Variants in SH3PXD2B observed in about 807,000 individuals in gnomAD.
SH3PXD2B encodes SH3 and PX domains 2B, also known as SH3 and PX domain-containing protein 2B.
In SH3PXD2B, 37 loss-of-function variants were observed where a neutral mutation model predicts 73.1. That is an observed-to-expected ratio of 0.51 (90% CI 0.39 to 0.67). The LOEUF is 0.67. Ranked by LOEUF, SH3PXD2B falls within the 30% of genes least tolerant of loss-of-function variation. SH3PXD2B has a pLI of 0.00. For synonymous variants in SH3PXD2B, 457 were observed against 480.5 expected (o/e 0.95, Z 0.64); for missense variants, 1,053 against 1,197.8 (o/e 0.88, Z 1.78).
At chr5:172,349,129 C>T (rs535893527) in intron 10 of SH3PXD2B, among the ~76,000 whole-genome samples, 2 of 152,224 alleles carry the variant, frequency 1.3e-5, no homozygotes, top group Non-Finnish European at 2.9e-5. Flanking sequence ...CACACAAACT[C>T]GGGGATGGCC....
rs1177483101 is a variant in SH3PXD2B at position 172,333,545 on chromosome 5, A to ATTTT, written c.*4823_*4824insAAAA. 1.5e-5 allele frequency: 18 copies of ATTTT among 1,170,034 alleles called. No homozygotes were observed. In the African/African-American group the frequency reaches 3.0e-4, roughly 19 times the overall value. 72.5% of individuals were successfully genotyped at this position (1,170,034 alleles called of 1,614,324 possible). ...AGTCAAGCACTTTTTTTATTTAAAAAAAAAAAAAGGAAAGAAGTCAAATGG... is the reference window on the plus strand; with the variant it reads ...AGTCAAGCACTTTTTTTATTTAAAAATTTTAAAAAAAAGGAAAGAAGTCAAATGG... On this transcript the variant is annotated 3_prime_UTR_variant, in exon 13 of 13. Transcript: ENST00000311601.
rs775740478 is a variant in SH3PXD2B, at chr5:172,338,862, T to A, written c.2243A>T (p.Gln748Leu). Residue 748 changes from glutamine (Q) to leucine (L), a missense_variant, in exon 13 of 13, where the codon CAA (glutamine) becomes CTA (leucine). Gln to Leu is a moderately radical substitution (Grantham distance 113, BLOSUM62 -2). Transcript: ENST00000311601. This position sits in a 1 kb window ranked among gnomAD's most constrained non-coding sequence, Gnocchi z 5.1. The part of the protein sequence containing the change: ...PVSKSVPVPL[Q>L]EAPQQRPVVP... ...CACAGGTCTCTGCTGGGGAGCCTCT[T>A]GGAGAGGAACAGGCACGCTCTTAGA... 15 of 1,612,764 alleles carry A rather than the reference T, an allele frequency of 9.3e-6. No individual in the cohort carries two copies. The highest frequency in any genetic ancestry group is 1.7e-4 in the Middle Eastern group (1 of 6,060).
At chr5:172,406,833 C>T (rs931374996) in intron 2 of SH3PXD2B, among the ~76,000 whole-genome samples, 10 of 152,154 alleles carry the variant, frequency 6.6e-5, no homozygotes, top group Non-Finnish European at 1.5e-4. Context: ...GGGCCTGGCT[C>T]TGTGCTAGAG....
At chr5:172,418,381 C>A (rs1189982372) in intron 2 of SH3PXD2B, among the ~76,000 whole-genome samples, 2 of 152,246 alleles carry the variant, frequency 1.3e-5, no homozygotes, top group Non-Finnish European at 2.9e-5. Context: ...CAAGGCCACA[C>A]AGCTGGAGGG....
rs577395478 is a variant in SH3PXD2B, at chr5:172,423,057, T to C, written c.76-561A>G. Among the ~76,000 whole-genome samples, 1,455 of 152,226 alleles carry C rather than the reference T, an allele frequency of 9.6e-3. 26 individuals are homozygous for C. Among genetic ancestry groups the C allele is most frequent in the African/African-American group, 0.033 (1,378 of 41,530 alleles). On this transcript the variant is annotated intron_variant, in intron 1 of 12. Coordinates refer to ENST00000311601, the MANE Select transcript of SH3PXD2B (RefSeq NM_001017995.3). ...TCTGCCTCCCAGGATAGATGTGAGG[T>C]GCTGATGAAATTAAGGATGAAGGAC...
At chr5:172,354,263 C>T (rs1757224438) in intron 8 of SH3PXD2B, among the ~76,000 whole-genome samples, 1 of 152,192 alleles carries the variant, frequency 6.6e-6, no homozygotes, top group South Asian at 2.1e-4. Flanking sequence ...GCTTCGAGTT[C>T]ACCTTCCTTG....
At chr5:172,423,862 C>T (rs916357151) in intron 1 of SH3PXD2B, among the ~76,000 whole-genome samples, 1 of 152,058 alleles carries the variant, frequency 6.6e-6, no homozygotes, top group African/African-American at 2.4e-5. Context: ...AGGCTGGTCT[C>T]GAACTCTTGA....
intron 5 of SH3PXD2B, among the ~76,000 whole-genome samples, chr5:172,376,652 T>C (rs1361695910): frequency 2.6e-5 from 4 of 152,128 alleles, no homozygotes; most frequent in Non-Finnish European, 4.4e-5. Flanking sequence ...ATGTCCTCCC[T>C]CCAGGGATAA....
chr5:172,431,880 T>G (rs1759253492), intron 1 of SH3PXD2B, among the ~76,000 whole-genome samples: 1 of 152,148 alleles, frequency 6.6e-6, no homozygotes, highest in African/African-American at 2.4e-5. Flanking sequence ...ATACCTTATT[T>G]AGGCCGGGCG....
chr5:172,409,779 G>A (rs545670481), intron 2 of SH3PXD2B, among the ~76,000 whole-genome samples: 4 of 152,078 alleles, frequency 2.6e-5, no homozygotes, highest in Non-Finnish European at 2.9e-5. Context: ...GCAATGGCAC[G>A]ATCTTGGCTC....
At chr5:172,414,191 G>C (rs1031363729) in intron 2 of SH3PXD2B, among the ~76,000 whole-genome samples, 4 of 152,204 alleles carry the variant, frequency 2.6e-5, no homozygotes, top group African/African-American at 9.6e-5. Flanking sequence ...GGTCAAGGCC[G>C]GGCGCAGTGG....
chr5:172,378,687 C>A (rs979361628), intron 5 of SH3PXD2B, among the ~76,000 whole-genome samples: 1 of 152,202 alleles, frequency 6.6e-6, no homozygotes, highest in African/African-American at 2.4e-5. Flanking sequence ...CCAAGCAATT[C>A]TGTGAGGGAG....
intron 12 of SH3PXD2B, among the ~76,000 whole-genome samples, chr5:172,325,979 G>T (rs1425122779): frequency 6.6e-6 from 1 of 152,180 alleles, no homozygotes; most frequent in Non-Finnish European, 1.5e-5. Flanking sequence ...TAGAGACAGG[G>T]TTTCTCCATG....
chr5:172,370,597 C>T (rs551536248), intron 6 of SH3PXD2B, among the ~76,000 whole-genome samples: 26 of 152,272 alleles, frequency 1.7e-4, no homozygotes, highest in African/African-American at 6.3e-4. Flanking sequence ...GCTCTGGGGC[C>T]AGGTCCAAGA....
chr5:172,411,423 T>C (rs900583552), intron 2 of SH3PXD2B, among the ~76,000 whole-genome samples: 7 of 150,810 alleles, frequency 4.6e-5, no homozygotes, highest in Admixed American at 3.3e-4. Context: ...CAGATCAGCA[T>C]GGCCCAAGGA....
intron 6 of SH3PXD2B, 50 bp from the exon 7 acceptor site, chr5:172,362,919 GAGC>G: frequency 1.2e-6 from 2 of 1,612,370 alleles, no homozygotes; most frequent in Non-Finnish European, 1.7e-6. Flanking sequence ...ATGCATGAAA[GAGC>G]AGGAGTCAGA....
intron 3 of SH3PXD2B, among the ~76,000 whole-genome samples, chr5:172,402,537 C>T (rs979155574): frequency 2.0e-5 from 3 of 152,176 alleles, no homozygotes; most frequent in Non-Finnish European, 2.9e-5. Flanking sequence ...CGGAACCTGC[C>T]GACATGTGAT....
chr5:172,375,305 A>G (rs1186005042), intron 5 of SH3PXD2B, among the ~76,000 whole-genome samples: 1 of 152,210 alleles, frequency 6.6e-6, no homozygotes, highest in Non-Finnish European at 1.5e-5. Context: ...GGCTGCAGTG[A>G]GCCGAGATCA....
rs386405693 is a variant in SH3PXD2B at position 172,335,438 on chromosome 5, A to AC, written c.*2930dup. 650,076 of 1,228,910 alleles carry AC rather than the reference A, an allele frequency of 0.53. 172,903 individuals are homozygous for AC. The highest frequency in any genetic ancestry group is 0.74 in the South Asian group (17,256 of 23,476). The allele number at this position is 1,228,910 out of a possible 1,614,324, so 76.1% of individuals were successfully genotyped here. A position where few individuals can be genotyped will look rare whatever the true frequency, so the allele number is the denominator to read the frequency against. ...CGAGGGAAAGAACAACAACAACAAA[A>AC]CCAAACAAACCCAAACTCGAGATCT... On this transcript the variant is annotated 3_prime_UTR_variant, in exon 13 of 13. Coordinates refer to ENST00000311601, the MANE Select transcript of SH3PXD2B (RefSeq NM_001017995.3).
Sources: allele counts gnomAD v4.1 joint callset (sites outside exome capture counted in the v4.1 genomes callset), GRCh38; gene constraint gnomAD v4.1.1; non-coding constraint Gnocchi (gnomAD v3.1); transcripts MANE v1.5; gene names NCBI Gene and HGNC (gene_info 2026-07-23, HGNC 2026-07-21).